Variants in ROBO2 observed in about 807,000 individuals in gnomAD.
ROBO2 encodes roundabout guidance receptor 2.
A neutral mutation model predicts 160.8 loss-of-function variants in ROBO2; 53 were observed. The ratio of observed to expected loss-of-function variants is 0.33; its 90% confidence interval spans 0.26 to 0.41. ROBO2 has a LOEUF of 0.41. Among genes scored for constraint, ROBO2 ranks in the 10% least tolerant of loss-of-function variants. The pLI is 1.00. For synonymous variants in ROBO2, 664 were observed against 611.7 expected (o/e 1.09, Z -1.26); for missense variants, 1,577 against 1,722.4 (o/e 0.92, Z 1.49).
chr3:76,298,947 T>C (rs761969627), intron 2 of ROBO2, among the ~76,000 whole-genome samples: 5 of 152,316 alleles, frequency 3.3e-5, no homozygotes, highest in Non-Finnish European at 5.9e-5. Context: ...AACCTAGTAG[T>C]TCAAATCTGT....
At chr3:77,505,234 A>T (rs2088301234) in intron 5 of ROBO2, among the ~76,000 whole-genome samples, 1 of 152,204 alleles carries the variant, frequency 6.6e-6, no homozygotes, top group Non-Finnish European at 1.5e-5. Flanking sequence ...AAGTAGGCAC[A>T]CCTGGTAGGA....
chr3:76,865,949 T>C (rs2071328851), intron 2 of ROBO2, among the ~76,000 whole-genome samples: 1 of 152,088 alleles, frequency 6.6e-6, no homozygotes, highest in South Asian at 2.1e-4. Flanking sequence ...GACATAAAAA[T>C]CGAGCTACTT....
At chr3:76,748,736 A>C (rs2093932990) in intron 2 of ROBO2, among the ~76,000 whole-genome samples, 1 of 151,964 alleles carries the variant, frequency 6.6e-6, no homozygotes, top group African/African-American at 2.4e-5. Flanking sequence ...TGGTAGGGTC[A>C]TAAACTGTTA....
At chr3:77,620,479 T>C (rs1157995291) in intron 22 of ROBO2, among the ~76,000 whole-genome samples, 3 of 152,230 alleles carry the variant, frequency 2.0e-5, no homozygotes, top group African/African-American at 4.8e-5. Flanking sequence ...TGGCAACATT[T>C]ATAGCAAGAT....
chr3:77,316,936 G>T, intron 2 of ROBO2: 1 of 1,267,582 alleles, frequency 7.9e-7, no homozygotes. Context: ...CTGATACTTG[G>T]CTGCTGTTCC....
intron 2 of ROBO2, chr3:76,434,342 A>G: frequency 7.8e-7 from 1 of 1,283,362 alleles, no homozygotes; most frequent in Non-Finnish European, 1.1e-6. Flanking sequence ...TCAAGAAGTG[A>G]TAAGCTTTCG....
chr3:76,820,334 A>T (rs2066011940), intron 2 of ROBO2, among the ~76,000 whole-genome samples: 1 of 152,176 alleles, frequency 6.6e-6, no homozygotes, highest in Non-Finnish European at 1.5e-5. Context: ...ATAGGAAATA[A>T]CTTTCTACTT....
At chr3:77,391,786 T>G (rs778401755) in intron 2 of ROBO2, among the ~76,000 whole-genome samples, 2 of 152,146 alleles carry the variant, frequency 1.3e-5, no homozygotes, top group Admixed American at 1.3e-4. Flanking sequence ...CTTGAACTCC[T>G]GATCTCACAT....
intron 2 of ROBO2, among the ~76,000 whole-genome samples, chr3:77,006,620 T>A (rs1559834401): frequency 6.6e-6 from 1 of 152,076 alleles, no homozygotes; most frequent in Non-Finnish European, 1.5e-5. Context: ...GAATATACTT[T>A]GTAAATGATA....
chr3:76,735,953 T>G (rs2093703782), intron 2 of ROBO2, among the ~76,000 whole-genome samples: 1 of 151,820 alleles, frequency 6.6e-6, no homozygotes, highest in Non-Finnish European at 1.5e-5. Context: ...AAAAATAACT[T>G]TATTCTAAAA....
intron 2 of ROBO2, among the ~76,000 whole-genome samples, chr3:76,789,004 G>T (rs907957555): frequency 6.6e-6 from 1 of 151,370 alleles, no homozygotes; most frequent in Admixed American, 6.6e-5. Flanking sequence ...ATGTCAAGTC[G>T]AACACCTGGG....
intron 1 of ROBO2, among the ~76,000 whole-genome samples, chr3:77,061,957 T>A (rs992742041): frequency 6.6e-6 from 1 of 152,172 alleles, no homozygotes. Context: ...TCTTTCTTTT[T>A]TTTCCCTTTG....
At chr3:77,020,555 A>C (rs970749502) in intron 2 of ROBO2, among the ~76,000 whole-genome samples, 3 of 152,238 alleles carry the variant, frequency 2.0e-5, no homozygotes, top group African/African-American at 7.2e-5. Flanking sequence ...AAGGAAACAA[A>C]GAATAATGCT....
At chr3:76,706,841 T>G (rs184747748) in intron 2 of ROBO2, among the ~76,000 whole-genome samples, 1 of 152,222 alleles carries the variant, frequency 6.6e-6, no homozygotes, top group East Asian at 1.9e-4. Flanking sequence ...ACAGCTTCTA[T>G]TATCTTTTAA....
At chr3:77,139,168 A>C (rs190739087) in intron 2 of ROBO2, among the ~76,000 whole-genome samples, 100 of 152,268 alleles carry the variant, frequency 6.6e-4, no homozygotes, top group Non-Finnish European at 1.2e-3. Flanking sequence ...CTGAGAGTTA[A>C]TCTGATTATG....
At chr3:76,422,599 G>A (rs1053455394) in intron 2 of ROBO2, among the ~76,000 whole-genome samples, 7 of 152,140 alleles carry the variant, frequency 4.6e-5, no homozygotes, top group African/African-American at 1.7e-4. Context: ...CTATAAAAGA[G>A]TTGTTTCGTC....
chr3:76,643,422 G>T (rs371986874), intron 2 of ROBO2, among the ~76,000 whole-genome samples: 4 of 152,078 alleles, frequency 2.6e-5, no homozygotes, highest in African/African-American at 9.7e-5. Context: ...AAGAAATATC[G>T]TTTTTGATGA....
Position 77,444,660 on chromosome 3 carries a change from G to T in ROBO2, c.389-32754G>T, listed in dbSNP as rs536435740. ...TTGACATCTCTACATAAAGCACATT[G>T]CTGCTTGATACTGAAGGCTCTCAGT... On this transcript the variant is annotated intron_variant, in intron 2 of 25. Transcript: ENST00000461745. 3.3e-5 allele frequency among the ~76,000 whole-genome samples: 5 copies of T among 152,244 alleles called. No individual in the cohort carries two copies. In the South Asian group the frequency reaches 1.0e-3, roughly 32 times the overall value.
chr3:76,762,890 A>T (rs1401015988), intron 2 of ROBO2, among the ~76,000 whole-genome samples: 1 of 151,730 alleles, frequency 6.6e-6, no homozygotes, highest in East Asian at 2.0e-4. Flanking sequence ...ACAAAGTGTA[A>T]CATTTCCCCA....
Sources: allele counts gnomAD v4.1 joint callset (sites outside exome capture counted in the v4.1 genomes callset), GRCh38; gene constraint gnomAD v4.1.1; transcripts MANE v1.5; gene names NCBI Gene and HGNC (gene_info 2026-07-23, HGNC 2026-07-21).